FIG4: variants seen among roughly 807,000 people sequenced by gnomAD.
FIG4 encodes the protein FIG4 phosphoinositide 5-phosphatase.
FIG4 carries 112 observed loss-of-function variants against 118.6 expected under a neutral mutation model. The ratio of observed to expected loss-of-function variants is 0.94; its 90% CI spans 0.81 to 1.11. The LOEUF (loss-of-function observed/expected upper bound fraction) is 1.11. FIG4 is among the 50% of genes least tolerant of loss of function. The pLI is 0.00. For missense variants in FIG4, 969 were observed against 1,111.7 expected (o/e 0.87, Z 1.83); for synonymous variants, 369 against 381.2 (o/e 0.97, Z 0.37).
At chr6:109,815,918 C>T (rs1258813440) in intron 22 of FIG4, among the ~76,000 whole-genome samples, 24 of 151,956 alleles carry the variant, frequency 1.6e-4, no homozygotes, top group Admixed American at 1.6e-3. Context: ...AAATTTTCCA[C>T]ATTTATACTT....
intron 6 of FIG4, among the ~76,000 whole-genome samples, chr6:109,735,885 C>T (rs954158069): frequency 2.6e-5 from 4 of 151,746 alleles, no homozygotes; most frequent in Non-Finnish European, 5.9e-5. Context: ...TTACTTTGAT[C>T]GGTCCCAGCT....
chr6:109,738,259 C>T (rs1372066772), intron 6 of FIG4, 66 bp from the exon 7 acceptor site: 2 of 1,375,334 alleles, frequency 1.5e-6, no homozygotes, highest in African/African-American at 1.4e-5. Flanking sequence ...CTGATACCAA[C>T]CTTTTTTTTA....
chr6:109,705,364 G>A (rs758800097), intron 1 of FIG4, among the ~76,000 whole-genome samples: 5 of 152,160 alleles, frequency 3.3e-5, no homozygotes, highest in African/African-American at 9.7e-5. Context: ...CAGTGATTCC[G>A]CGGTCTACAG....
chr6:109,716,307 GCTTA>G (rs1446796708), intron 2 of FIG4, 134 bp from the exon 3 acceptor site: 9 of 817,160 alleles, frequency 1.1e-5, no homozygotes, highest in Non-Finnish European at 1.7e-5. Context: ...TAAAATTGTA[GCTTA>G]CTTGTGTACT....
intron 22 of FIG4, among the ~76,000 whole-genome samples, chr6:109,811,015 T>G (rs1778705413): frequency 6.6e-6 from 1 of 152,054 alleles, no homozygotes; most frequent in South Asian, 2.1e-4. Flanking sequence ...CTTAGAAAGG[T>G]TTTATTTTTT....
At chr6:109,765,870 G>A (rs1777265010) in intron 14 of FIG4, among the ~76,000 whole-genome samples, 1 of 152,204 alleles carries the variant, frequency 6.6e-6, no homozygotes, top group Non-Finnish European at 1.5e-5. Flanking sequence ...AGGCTCAGCT[G>A]AGGAAAGTAA....
At chr6:109,741,615 G>A in intron 8 of FIG4, 71 bp downstream of exon 8, 3 of 1,004,280 alleles carry the variant, frequency 3.0e-6, no homozygotes, top group Non-Finnish European at 4.8e-6. Context: ...TAGAAGCACA[G>A]TGAAATTTTA....
At chr6:109,821,473 A>G (rs1206679990) in intron 22 of FIG4, among the ~76,000 whole-genome samples, 6 of 152,232 alleles carry the variant, frequency 3.9e-5, no homozygotes. Flanking sequence ...ACAAGTTAAT[A>G]AAAGAGGTTA....
At chr6:109,786,927 G>A (rs189708879) in intron 18 of FIG4, among the ~76,000 whole-genome samples, 23 of 152,054 alleles carry the variant, frequency 1.5e-4, no homozygotes, top group African/African-American at 4.1e-4. Context: ...CACACGCCCC[G>A]CAAGTGCCTT....
At chr6:109,794,851 A>G (rs374445735) in intron 21 of FIG4, among the ~76,000 whole-genome samples, 10 of 152,296 alleles carry the variant, frequency 6.6e-5, no homozygotes, top group African/African-American at 2.4e-4. Flanking sequence ...GGGAAGCCAC[A>G]CAGCTAGAAG....
At chr6:109,729,765 C>A (rs561148467) in intron 4 of FIG4, among the ~76,000 whole-genome samples, 23 of 121,146 alleles carry the variant, frequency 1.9e-4, no homozygotes, top group African/African-American at 7.4e-4. Context: ...CAGAGTGAGA[C>A]CCTGCCTCAA....
At chr6:109,721,025 C>T (rs1775591160) in intron 3 of FIG4, among the ~76,000 whole-genome samples, 2 of 152,208 alleles carry the variant, frequency 1.3e-5, no homozygotes, top group Non-Finnish European at 2.9e-5. Flanking sequence ...TTTTGATACA[C>T]AGCCCTTAGG....
chr6:109,718,445 T>A (rs757238022), intron 3 of FIG4, among the ~76,000 whole-genome samples: 1 of 152,268 alleles, frequency 6.6e-6, no homozygotes, highest in Non-Finnish European at 1.5e-5. Context: ...TTGGGTCTTC[T>A]GTTTAGCACT....
At chr6:109,739,294 T>C (rs965720514) in intron 7 of FIG4, among the ~76,000 whole-genome samples, 1 of 152,152 alleles carries the variant, frequency 6.6e-6, no homozygotes, top group Non-Finnish European at 1.5e-5. Context: ...TGTAGCTACA[T>C]TGAAGCCTTT....
At chr6:109,766,220 C>T (rs1777274495) in intron 14 of FIG4, among the ~76,000 whole-genome samples, 1 of 152,154 alleles carries the variant, frequency 6.6e-6, no homozygotes, top group South Asian at 2.1e-4. Flanking sequence ...AGGAAATGGG[C>T]CCTCACCAGA....
At chr6:109,774,479 A>C (rs1487949501) in intron 15 of FIG4, among the ~76,000 whole-genome samples, 1 of 152,090 alleles carries the variant, frequency 6.6e-6, no homozygotes, top group Non-Finnish European at 1.5e-5. Flanking sequence ...CAAATTTATT[A>C]GGTCAGAGGG....
chr6:109,724,669 GAGCCAAATGTGGGGAATAGTACAT>G (rs1194028216), intron 3 of FIG4, among the ~76,000 whole-genome samples: 16 of 152,116 alleles, frequency 1.1e-4, no homozygotes, highest in South Asian at 8.3e-4. Flanking sequence ...AGAAAATGGA[GAGCCAAATGTGGGGAATAGTACAT>G]AGGATCTTAA....
intron 15 of FIG4, among the ~76,000 whole-genome samples, chr6:109,771,383 A>C (rs1332430900): frequency 6.6e-6 from 1 of 151,956 alleles, no homozygotes; most frequent in Non-Finnish European, 1.5e-5. Flanking sequence ...TAAAACTACA[A>C]CACCTCAGTC....
intron 21 of FIG4, 94 bp from the exon 22 acceptor site, chr6:109,796,671 T>C (rs555527544): frequency 1.1e-4 from 86 of 808,154 alleles, no homozygotes; most frequent in Middle Eastern, 7.0e-4. Context: ...AGCATACTAC[T>C]GAAATTTGAA....
Sources: allele counts gnomAD v4.1 joint callset (sites outside exome capture counted in the v4.1 genomes callset), GRCh38; gene constraint gnomAD v4.1.1; transcripts MANE v1.5; gene names NCBI Gene and HGNC (gene_info 2026-07-23, HGNC 2026-07-21).